DPYD: variants seen among roughly 807,000 people sequenced by gnomAD.
DPYD encodes dihydropyrimidine dehydrogenase [NADP(+)].
A neutral mutation model predicts 116.2 loss-of-function variants in DPYD; 109 were observed. The observed-to-expected ratio is 0.94, with a 90% CI of 0.80 to 1.10. The LOEUF (loss-of-function observed/expected upper bound fraction) is 1.10. Among genes scored for constraint, DPYD ranks in the 50% least tolerant of loss-of-function variants. DPYD has a pLI of 0.00. For missense variants in DPYD, 1,302 were observed against 1,254.5 expected (o/e 1.04, Z -0.57); for synonymous variants, 440 against 432.0 (o/e 1.02, Z -0.23).
intron 21 of DPYD, among the ~76,000 whole-genome samples, chr1:97,096,372 T>C (rs1193193971): frequency 6.6e-6 from 1 of 152,158 alleles, no homozygotes; most frequent in Non-Finnish European, 1.5e-5. Flanking sequence ...CAAATATAAA[T>C]AATATCTTCC....
Position 97,464,238 on chromosome 1 carries a change from CAAAATAAAAT to C in DPYD, c.1741-14025_1741-14016del, listed in dbSNP as rs145868186. ...TGGGCAACAGAGCAAGACTCTGTCT[CAAAATAAAAT>C]AAAATAAAATAAAATAAAATAAAAT... On this transcript the variant is annotated intron_variant, in intron 13 of 22. Transcript: ENST00000370192. Among the ~76,000 whole-genome samples, 1,326 of 138,678 alleles carry C rather than the reference CAAAATAAAAT, an allele frequency of 9.6e-3. 11 individuals carry two copies. Among genetic ancestry groups the C allele is most frequent in the African/African-American group, 0.026 (976 of 36,906 alleles). The allele number at this position is 138,678 out of a possible 152,430, so 91.0% of individuals were successfully genotyped here.
chr1:97,506,000 A>G (rs1422807968), intron 13 of DPYD, among the ~76,000 whole-genome samples: 20 of 151,942 alleles, frequency 1.3e-4, no homozygotes. Flanking sequence ...GTGAATATTT[A>G]ACTAACACAC....
At chr1:97,702,019 T>C (rs541325050) in intron 5 of DPYD, among the ~76,000 whole-genome samples, 31 of 151,902 alleles carry the variant, frequency 2.0e-4, no homozygotes, top group African/African-American at 7.5e-4. Flanking sequence ...TTAATATGTG[T>C]TCCTGCTCTT....
intron 13 of DPYD, among the ~76,000 whole-genome samples, chr1:97,458,537 C>A (rs992026816): frequency 6.6e-6 from 1 of 152,130 alleles, no homozygotes; most frequent in East Asian, 1.9e-4. Flanking sequence ...TCAAGGTTTT[C>A]GCCCATCCCT....
At chr1:97,303,115 G>C (rs1481348529) in intron 18 of DPYD, among the ~76,000 whole-genome samples, 1 of 151,878 alleles carries the variant, frequency 6.6e-6, no homozygotes, top group Non-Finnish European at 1.5e-5. Flanking sequence ...TCATTTCAAA[G>C]AGCAGAAATC....
At chr1:97,799,850 C>A (rs904706360) in intron 3 of DPYD, among the ~76,000 whole-genome samples, 2 of 151,920 alleles carry the variant, frequency 1.3e-5, no homozygotes, top group African/African-American at 4.8e-5. Context: ...TTGCCTAGAA[C>A]AGAACCTTGT....
At chr1:97,219,468 T>A (rs1267695931) in intron 19 of DPYD, among the ~76,000 whole-genome samples, 2 of 152,192 alleles carry the variant, frequency 1.3e-5, no homozygotes, top group African/African-American at 4.8e-5. Context: ...AATGATGATG[T>A]CCTACCATTA....
chr1:97,208,932 T>C (rs1046821148), intron 19 of DPYD, among the ~76,000 whole-genome samples: 8 of 152,152 alleles, frequency 5.3e-5, no homozygotes, highest in Non-Finnish European at 1.0e-4. Context: ...GAATTTTGTA[T>C]CTGAATGTGC....
At chr1:97,081,424 T>G (rs1333297679) in intron 22 of DPYD, among the ~76,000 whole-genome samples, 1 of 152,104 alleles carries the variant, frequency 6.6e-6, no homozygotes, top group Non-Finnish European at 1.5e-5. Flanking sequence ...CAAACTCTAC[T>G]TCTTAAGAAA....
intron 6 of DPYD, among the ~76,000 whole-genome samples, chr1:97,695,481 G>C (rs1661243649): frequency 6.7e-6 from 1 of 150,066 alleles, no homozygotes; most frequent in African/African-American, 2.5e-5. Flanking sequence ...TTCGTTTATT[G>C]TCTGTCTCCC....
intron 3 of DPYD, among the ~76,000 whole-genome samples, chr1:97,753,200 G>C (rs965427919): frequency 3.9e-5 from 6 of 152,126 alleles, no homozygotes; most frequent in Admixed American, 3.9e-4. Context: ...CAATGAGATA[G>C]ATACTGTTGT....
intron 12 of DPYD, among the ~76,000 whole-genome samples, chr1:97,524,610 G>A (rs186702662): frequency 3.3e-5 from 5 of 152,232 alleles, no homozygotes; most frequent in African/African-American, 1.2e-4. Context: ...GAATATTTCT[G>A]GATGTTTCAG....
intron 20 of DPYD, among the ~76,000 whole-genome samples, chr1:97,170,496 A>T (rs1231671587): frequency 6.6e-6 from 1 of 152,112 alleles, no homozygotes; most frequent in Non-Finnish European, 1.5e-5. Context: ...GCAGCCAGGC[A>T]ACCATACACA....
chr1:97,424,451 G>T (rs1674754079), intron 14 of DPYD, among the ~76,000 whole-genome samples: 1 of 152,066 alleles, frequency 6.6e-6, no homozygotes, highest in Non-Finnish European at 1.5e-5. Flanking sequence ...CAGAAGCACA[G>T]TGTGAAAACA....
chr1:97,118,139 CT>C (rs1387055250), intron 20 of DPYD, among the ~76,000 whole-genome samples: 2 of 151,808 alleles, frequency 1.3e-5, no homozygotes, highest in East Asian at 3.9e-4. Flanking sequence ...CAAATGTCAC[CT>C]TTTGTTTTAT....
chr1:97,534,223 C>T (rs1174619597), intron 12 of DPYD, among the ~76,000 whole-genome samples: 2 of 152,128 alleles, frequency 1.3e-5, no homozygotes, highest in Admixed American at 1.3e-4. Context: ...TACATTCTCA[C>T]AGGATGTTGT....
rs910676066 is a variant in DPYD, at chr1:97,673,955, T to C, written c.850+5140A>G. 5.9e-5 allele frequency among the ~76,000 whole-genome samples: 9 copies of C among 152,146 alleles called. No homozygotes were observed. The South Asian group carries it at 6.2e-4, about 11-fold the overall frequency. The stretch of plus-strand genomic sequence containing the variant: ...AGAATGGCTGAATCACATAATTTAA[T>C]AGGAGAAGTGACTAGAGACATAGCT... On this transcript the variant is annotated intron_variant, in intron 8 of 22. Transcript: ENST00000370192.
intron 21 of DPYD, chr1:97,095,814 G>A (rs991654504): frequency 6.6e-6 from 1 of 152,062 alleles, no homozygotes; most frequent in African/African-American, 2.4e-5. Flanking sequence ...GCCACTATCA[G>A]CTACTATTTT....
chr1:97,125,332 C>CA (rs1030105198), intron 20 of DPYD, among the ~76,000 whole-genome samples: 1 of 151,684 alleles, frequency 6.6e-6, no homozygotes, highest in African/African-American at 2.4e-5. Flanking sequence ...TTTTTCTCAA[C>CA]AAAAAAACAG....
Sources: gnomAD v4.1 joint callset for allele counts (sites outside exome capture counted in the v4.1 genomes callset) on GRCh38, gnomAD v4.1.1 for gene constraint, MANE v1.5 for transcripts, NCBI Gene and HGNC (gene_info 2026-07-23, HGNC 2026-07-21) for gene names.